ATIC: variants seen among roughly 807,000 people sequenced by gnomAD.
ATIC encodes 5-aminoimidazole-4-carboxamide ribonucleotide formyltransferase/IMP cyclohydrolase, also known as bifunctional purine biosynthesis protein ATIC.
Under a neutral mutation model 72.5 loss-of-function variants are expected in ATIC, and 64 were observed. The observed-to-expected ratio is 0.88, with a 90% CI of 0.72 to 1.09. The LOEUF is 1.09. Among genes scored for constraint, ATIC ranks in the 50% least tolerant of loss-of-function variants. The pLI is 0.00. For missense variants in ATIC, 787 were observed against 732.4 expected (o/e 1.07, Z -0.86); for synonymous variants, 281 against 267.1 (o/e 1.05, Z -0.51).
intron 5 of ATIC, 72 bp from the exon 6 acceptor site, chr2:215,325,915 T>C: frequency 6.4e-7 from 1 of 1,554,644 alleles, no homozygotes; most frequent in South Asian, 1.1e-5. Context: ...ACATGCACAA[T>C]GACTTTATTT....
At chr2:215,347,167 C>G (rs1228767821) in intron 14 of ATIC, 1 of 568,834 alleles carries the variant, frequency 1.8e-6, no homozygotes, top group Non-Finnish European at 3.1e-6. Context: ...AGTCCTCTGT[C>G]TTTTTAAATT....
intron 9 of ATIC, among the ~76,000 whole-genome samples, chr2:215,333,898 T>C (rs1160358296): frequency 1.3e-5 from 2 of 151,556 alleles, no homozygotes; most frequent in Non-Finnish European, 2.9e-5. Context: ...AAAAATTAGC[T>C]GGGCGTGGTG....
intron 1 of ATIC, 102 bp downstream of exon 1, chr2:215,312,263 C>G: frequency 1.4e-6 from 2 of 1,453,416 alleles, no homozygotes; most frequent in Non-Finnish European, 1.8e-6. Context: ...AGGGGCGGCG[C>G]TGCGGGATTG....
At chr2:215,336,240 A>C in intron 11 of ATIC, 116 bp downstream of exon 11, 1 of 824,238 alleles carries the variant, frequency 1.2e-6, no homozygotes, top group Non-Finnish European at 2.0e-6. Context: ...ATTATAGTTT[A>C]TTTTCCCCAA....
At chr2:215,347,366 C>T (rs4673991) in intron 14 of ATIC, 112,870 of 366,504 alleles carry the variant, frequency 0.31, 19,071 homozygotes, top group South Asian at 0.46. Context: ...GGTCTTCTCC[C>T]ACCACATTTT....
chr2:215,332,267 G>T, intron 7 of ATIC, 115 bp from the exon 8 acceptor site: 1 of 1,399,360 alleles, frequency 7.1e-7, no homozygotes, highest in Non-Finnish European at 1.0e-6. Flanking sequence ...GTATCTGTTT[G>T]GCTCTTAATT....
chr2:215,327,889 ATTTTT>A (rs140657850), intron 7 of ATIC, among the ~76,000 whole-genome samples: 1 of 146,730 alleles, frequency 6.8e-6, no homozygotes. Context: ...CCTCAGATAG[ATTTTT>A]TTTTTTTTTT....
intron 5 of ATIC, 117 bp downstream of exon 5, chr2:215,325,446 TG>T: frequency 1.3e-6 from 1 of 785,670 alleles, no homozygotes; most frequent in East Asian, 2.7e-5. Flanking sequence ...ACTTCTGGAT[TG>T]TGTTTTGGGA....
intron 7 of ATIC, among the ~76,000 whole-genome samples, chr2:215,330,775 C>T (rs1024956929): frequency 6.6e-6 from 1 of 150,534 alleles, no homozygotes; most frequent in African/African-American, 2.5e-5. Context: ...TATCCTGGGA[C>T]TCAAGCAGTC....
the ATIC span, among the ~76,000 whole-genome samples, chr2:215,360,046 C>T: frequency 6.6e-6 from 1 of 152,162 alleles, no homozygotes; most frequent in South Asian, 2.1e-4. Context: ...TCAAGCCATT[C>T]TCCTACCTCA....
At chr2:215,355,842 G>A in the ATIC span, among the ~76,000 whole-genome samples, 4,701 of 152,302 alleles carry the variant, frequency 0.031, 234 homozygotes, top group African/African-American at 0.11. Context: ...AATTGTCTTT[G>A]TGCCTCTTAG....
intron 9 of ATIC, among the ~76,000 whole-genome samples, chr2:215,334,428 T>C (rs2052933032): frequency 6.6e-6 from 1 of 152,156 alleles, no homozygotes; most frequent in African/African-American, 2.4e-5. Flanking sequence ...GCTCCTGACC[T>C]CAAGTGATTC....
At chr2:215,349,784 G>A (rs1463807556), downstream of ATIC, 3 of 1,521,462 alleles carry the variant, frequency 2.0e-6, no homozygotes, top group African/African-American at 4.1e-5. Context: ...TTTGGTAGTT[G>A]TGTTTTATGT....
In ATIC at chr2:215,312,164, G is replaced by A; in HGVS notation, c.19+3G>A. The A allele has an allele frequency of 6.6e-7, 1 of 1,519,996 alleles. No homozygotes were observed. The highest frequency in any genetic ancestry group is 1.4e-5 in the African/African-American group (1 of 70,650). 94.2% of individuals were successfully genotyped at this position (1,519,996 alleles called of 1,614,324 possible). ...AGCCATGGCTCCCGGCCAGCTCGGT[G>A]AGGCCCTAGCGGAGCGGCGCGGTCT... On this transcript the variant is annotated splice_donor_region_variant and intron_variant, in intron 1 of 15. Coordinates refer to ENST00000236959, the MANE Select transcript of ATIC (RefSeq NM_004044.7).
At chr2:215,331,290 C>T (rs1330261167) in intron 7 of ATIC, among the ~76,000 whole-genome samples, 1 of 151,480 alleles carries the variant, frequency 6.6e-6, no homozygotes, top group African/African-American at 2.4e-5. Context: ...TGCTTAACAT[C>T]GTAGTAGGCA....
the ATIC span, among the ~76,000 whole-genome samples, chr2:215,354,792 ATTCTT>A: frequency 1.3e-5 from 2 of 150,720 alleles, no homozygotes; most frequent in African/African-American, 4.9e-5. Flanking sequence ...GTATGTTACT[ATTCTT>A]TTAAAGTCTC....
the ATIC span, among the ~76,000 whole-genome samples, chr2:215,360,208 G>A: frequency 1.3e-5 from 2 of 152,322 alleles, no homozygotes; most frequent in Non-Finnish European, 2.9e-5. Flanking sequence ...AAAGTGCTGG[G>A]ATTAGAGGTG....
downstream of ATIC, among the ~76,000 whole-genome samples, chr2:215,351,731 A>G (rs1224557007): frequency 6.6e-6 from 1 of 152,240 alleles, no homozygotes; most frequent in Non-Finnish European, 1.5e-5. Context: ...ACTGAGGGGT[A>G]TAACTCCCAG....
chr2:215,320,996 G>A (rs2052760834), intron 4 of ATIC, among the ~76,000 whole-genome samples: 1 of 152,098 alleles, frequency 6.6e-6, no homozygotes, highest in South Asian at 2.1e-4. Context: ...CTCCCACCAG[G>A]CCCCACCTCC....
Sources: allele counts gnomAD v4.1 joint callset (sites outside exome capture counted in the v4.1 genomes callset), GRCh38; gene constraint gnomAD v4.1.1; transcripts MANE v1.5; gene names NCBI Gene and HGNC (gene_info 2026-07-23, HGNC 2026-07-21).